The following KIAA1217 variants were observed in gnomAD, a reference collection of about 807,000 sequenced individuals.
The protein encoded by KIAA1217 is KIAA1217, also known as sickle tail protein homolog.
A neutral mutation model predicts 163.9 loss-of-function variants in KIAA1217; 88 were observed. The ratio of observed to expected loss-of-function variants is 0.54; its 90% CI spans 0.45 to 0.64. The LOEUF (loss-of-function observed/expected upper bound fraction) is 0.64. KIAA1217 is among the 30% of genes least tolerant of loss of function. The probability of loss-of-function intolerance (pLI) is 0.00; values close to 1 mark genes in which losing one functional copy is unlikely to be tolerated. For synonymous variants in KIAA1217, 903 were observed against 923.1 expected, an observed-to-expected ratio of 0.98 and a Z score of 0.39; for missense variants, 2,372 against 2,475.0, an observed-to-expected ratio of 0.96 and a Z score of 0.88.
rs186931802 is a variant in KIAA1217 at position 24,462,513 on chromosome 10, C to T, written c.847-10715C>T. On this transcript the variant is annotated intron_variant, in intron 5 of 20. Coordinates refer to ENST00000376454, the MANE Select transcript of KIAA1217 (RefSeq NM_019590.5). ...GCACAGCAGGTCACACGCAAACAAC[C>T]GAGGAAGCTGGGGTTCTTGCTGCCT... 3.3e-3 allele frequency among the ~76,000 whole-genome samples: 497 copies of T among 152,268 alleles called. 4 individuals carry two copies. The highest frequency in any genetic ancestry group is 0.011 in the African/African-American group (455 of 41,544).
rs1019711889 is a variant in KIAA1217 at position 23,695,824 on chromosome 10, G to A, written c.-321+590G>A. ...GGCGGCAGAGGTCGAGGCAGGAGGC[G>A]AATGTGACGCTTAGGGTCGCTACGG... On this transcript the variant is annotated intron_variant, in intron 1 of 18. Coordinates refer to the KIAA1217 transcript ENST00000376462. This position sits in a 1 kb window ranked among gnomAD's most constrained non-coding sequence, Gnocchi z 4.9. Among the ~76,000 whole-genome samples the A allele has an allele frequency of 6.6e-6, 1 of 152,206 alleles. No homozygotes were observed. Among genetic ancestry groups the A allele is most frequent in the African/African-American group, 2.4e-5 (1 of 41,468 alleles).
intron 1 of KIAA1217, among the ~76,000 whole-genome samples, chr10:23,714,754 A>G (rs1232726079): frequency 1.3e-5 from 2 of 152,126 alleles, no homozygotes; most frequent in East Asian, 3.9e-4. Flanking sequence ...AGGAGCTGAG[A>G]AACCAAAGGG....
chr10:23,751,149 T>C (rs1464305818), intron 1 of KIAA1217, among the ~76,000 whole-genome samples: 1 of 152,052 alleles, frequency 6.6e-6, no homozygotes, highest in African/African-American at 2.4e-5. Flanking sequence ...TGCCTCAGCC[T>C]CCCGAGTAGC....
chr10:23,983,454 G>A (rs750955280), intron 1 of KIAA1217, among the ~76,000 whole-genome samples: 13 of 152,130 alleles, frequency 8.5e-5, no homozygotes, highest in Non-Finnish European at 1.6e-4. Context: ...GTAGGCAAAG[G>A]AGAAGCAGGC....
At chr10:24,230,443 G>T (rs2071215770) in intron 2 of KIAA1217, among the ~76,000 whole-genome samples, 1 of 150,988 alleles carries the variant, frequency 6.6e-6, no homozygotes, top group Non-Finnish European at 1.5e-5. Flanking sequence ...GGGATGCCGA[G>T]CCTGTAGTGT....
chr10:24,307,707 A>G (rs1590814958), intron 2 of KIAA1217, among the ~76,000 whole-genome samples: 1 of 152,102 alleles, frequency 6.6e-6, no homozygotes, highest in African/African-American at 2.4e-5. Flanking sequence ...GCTTGAGCGT[A>G]AGAGGTCGGG....
intron 2 of KIAA1217, among the ~76,000 whole-genome samples, chr10:24,330,943 T>A (rs961321291): frequency 6.6e-6 from 1 of 151,900 alleles, no homozygotes; most frequent in East Asian, 1.9e-4. Flanking sequence ...TTATATATAT[T>A]TTTTTATTTT....
chr10:24,307,809 A>G (rs1004503167), intron 2 of KIAA1217, among the ~76,000 whole-genome samples: 5 of 152,062 alleles, frequency 3.3e-5, no homozygotes, highest in Admixed American at 2.0e-4. Context: ...GGAAAAGAAA[A>G]AAGAATGGTG....
At chr10:23,839,904 C>T (rs1222611062) in intron 1 of KIAA1217, among the ~76,000 whole-genome samples, 1 of 152,078 alleles carries the variant, frequency 6.6e-6, no homozygotes, top group Non-Finnish European at 1.5e-5. Flanking sequence ...CAAATGAGTA[C>T]AGAAAAGAAG....
At chr10:24,273,254 C>T (rs1366868392) in intron 2 of KIAA1217, among the ~76,000 whole-genome samples, 1 of 152,172 alleles carries the variant, frequency 6.6e-6, no homozygotes, top group Non-Finnish European at 1.5e-5. Flanking sequence ...CTCTTATTAA[C>T]ATTTGCAAAG....
chr10:24,430,686 T>C (rs977689499), intron 3 of KIAA1217, among the ~76,000 whole-genome samples: 3 of 152,202 alleles, frequency 2.0e-5, no homozygotes, highest in Non-Finnish European at 4.4e-5. Context: ...TTAAGGCGCA[T>C]GCAACCTAGA....
chr10:24,102,727 C>G (rs770261992), intron 2 of KIAA1217, among the ~76,000 whole-genome samples: 47 of 152,176 alleles, frequency 3.1e-4, no homozygotes, highest in Non-Finnish European at 5.4e-4. Flanking sequence ...TTCCCTTCCC[C>G]TCAAGAAATA....
chr10:23,980,494 C>T (rs1009121414), intron 1 of KIAA1217, among the ~76,000 whole-genome samples: 1 of 152,150 alleles, frequency 6.6e-6, no homozygotes, highest in Non-Finnish European at 1.5e-5. Flanking sequence ...CTGACAATCA[C>T]GGTGTCTGGT....
intron 2 of KIAA1217, among the ~76,000 whole-genome samples, chr10:24,075,166 C>T (rs1381858471): frequency 2.9e-5 from 4 of 138,422 alleles, no homozygotes; most frequent in Non-Finnish European, 4.8e-5. Flanking sequence ...ACACACACAC[C>T]CCTTCCTCAC....
At chr10:24,207,282 T>TCTCTCACACA (rs529791287), upstream of KIAA1217, among the ~76,000 whole-genome samples, 3 of 140,236 alleles carry the variant, frequency 2.1e-5, no homozygotes, top group African/African-American at 8.6e-5. Flanking sequence ...TCTCTCTCTC[T>TCTCTCACACA]CACACACACA....
intron 2 of KIAA1217, among the ~76,000 whole-genome samples, chr10:24,285,774 T>G (rs1044866071): frequency 1.3e-5 from 2 of 152,194 alleles, no homozygotes; most frequent in African/African-American, 4.8e-5. Flanking sequence ...TGTTGAATCT[T>G]TAGATTGCTT....
intron 2 of KIAA1217, among the ~76,000 whole-genome samples, chr10:24,016,233 C>A (rs1847473239): frequency 6.6e-6 from 1 of 152,024 alleles, no homozygotes; most frequent in African/African-American, 2.4e-5. Context: ...TGTATTATGT[C>A]TGTTATCTTC....
intron 1 of KIAA1217, among the ~76,000 whole-genome samples, chr10:23,977,392 A>G (rs572900913): frequency 6.6e-6 from 1 of 152,168 alleles, no homozygotes; most frequent in Non-Finnish European, 1.5e-5. Context: ...TAAACTTCAG[A>G]GAGGTTAGGT....
At chr10:24,014,470 G>A (rs1847384857) in intron 2 of KIAA1217, among the ~76,000 whole-genome samples, 1 of 152,076 alleles carries the variant, frequency 6.6e-6, no homozygotes, top group African/African-American at 2.4e-5. Context: ...TTTGCTTGTT[G>A]GAAACAAAAG....
Sources: allele counts gnomAD v4.1 joint callset (sites outside exome capture counted in the v4.1 genomes callset), GRCh38; gene constraint gnomAD v4.1.1; non-coding constraint Gnocchi (gnomAD v3.1); transcripts MANE v1.5; gene names NCBI Gene and HGNC (gene_info 2026-07-23, HGNC 2026-07-21).